Variants in DPP6 observed in about 807,000 individuals in gnomAD.
DPP6 encodes A-type potassium channel modulatory protein DPP6.
A neutral mutation model predicts 122.6 loss-of-function variants in DPP6; 69 were observed. The ratio of observed to expected loss-of-function variants is 0.56; its 90% CI spans 0.46 to 0.69. The LOEUF is 0.69. Among genes scored for constraint, DPP6 ranks in the 30% least tolerant of loss-of-function variants. The probability of loss-of-function intolerance (pLI) is 0.00; values close to 1 mark genes in which losing one functional copy is unlikely to be tolerated. For missense variants in DPP6, 928 were observed against 1,116.9 expected, an observed-to-expected ratio of 0.83 and a Z score of 2.41; for synonymous variants, 418 against 433.1, an observed-to-expected ratio of 0.97 and a Z score of 0.43.
At chr7:153,932,880 C>T (rs1053455371) in intron 1 of DPP6, among the ~76,000 whole-genome samples, 3 of 152,154 alleles carry the variant, frequency 2.0e-5, no homozygotes, top group Non-Finnish European at 2.9e-5. Flanking sequence ...ATAATCCCCA[C>T]GTGTTATGGG....
At chr7:154,847,035 G>C (rs923955456) in intron 16 of DPP6, among the ~76,000 whole-genome samples, 1 of 152,166 alleles carries the variant, frequency 6.6e-6, no homozygotes, top group African/African-American at 2.4e-5. Flanking sequence ...CATAGTTGCT[G>C]TTAGGAACAA....
chr7:154,615,138 G>A (rs1469569540), intron 5 of DPP6, among the ~76,000 whole-genome samples: 1 of 152,186 alleles, frequency 6.6e-6, no homozygotes, highest in African/African-American at 2.4e-5. Flanking sequence ...AAAAGGCCGT[G>A]GTTCTTGCCC....
At chr7:154,790,315 A>G (rs1797593104) in intron 10 of DPP6, among the ~76,000 whole-genome samples, 1 of 152,220 alleles carries the variant, frequency 6.6e-6, no homozygotes, top group African/African-American at 2.4e-5. Context: ...GGCAACATCA[A>G]GCTCTCAGGG....
chr7:153,838,311 G>A, the DPP6 span, among the ~76,000 whole-genome samples: 1 of 152,204 alleles, frequency 6.6e-6, no homozygotes, highest in South Asian at 2.1e-4. Flanking sequence ...GGGGAATTCT[G>A]CCAAAGAGAG....
intron 1 of DPP6, chr7:154,093,869 G>GC: frequency 6.6e-6 from 1 of 152,264 alleles, no homozygotes; most frequent in Middle Eastern, 3.4e-3. Context: ...GGGGGATCCC[G>GC]CCGTGCTTCC....
rs143620092 is a variant in DPP6, at chr7:154,812,404, A to G, written c.1666+5292A>G. Among the ~76,000 whole-genome samples, 13 of 152,312 alleles carry G rather than the reference A, an allele frequency of 8.5e-5. 1 individual carries two copies. The East Asian group carries it at 1.3e-3, about 16-fold the overall frequency. On this transcript the variant is annotated intron_variant, in intron 16 of 25. Transcript: ENST00000377770. ...ATTTGGGCTGCTATAGTGAAGTTCT[A>G]TAGACTGTGTGGCTTATAAACAACA... is the stretch of plus-strand genomic sequence containing the variant.
chr7:154,621,288 A>G (rs6597444), intron 5 of DPP6, among the ~76,000 whole-genome samples: 90,352 of 152,106 alleles, frequency 0.59, 26,970 homozygotes, highest in South Asian at 0.75. Flanking sequence ...CTTATAACTT[A>G]ATATAACCCT....
At chr7:154,358,281 G>T (rs1270972312) in intron 1 of DPP6, among the ~76,000 whole-genome samples, 9 of 152,192 alleles carry the variant, frequency 5.9e-5, no homozygotes, top group African/African-American at 2.2e-4. Flanking sequence ...CCCATGGAGG[G>T]TTAGGACCTC....
At chr7:153,791,581 C>T in the DPP6 span, among the ~76,000 whole-genome samples, 2 of 152,024 alleles carry the variant, frequency 1.3e-5, no homozygotes, top group Non-Finnish European at 2.9e-5. Context: ...ACCACCACAT[C>T]CAGCTAATTT....
chr7:154,356,202 T>C (rs901287794), intron 1 of DPP6, among the ~76,000 whole-genome samples: 1 of 152,276 alleles, frequency 6.6e-6, no homozygotes, highest in African/African-American at 2.4e-5. Context: ...CAATTAACAC[T>C]AATTTTATAT....
At chr7:154,339,470 G>T (rs1235394826) in intron 1 of DPP6, among the ~76,000 whole-genome samples, 1 of 152,188 alleles carries the variant, frequency 6.6e-6, no homozygotes, top group East Asian at 1.9e-4. Context: ...AGAGCCCACC[G>T]AATAGAAAAC....
chr7:154,602,814 C>G lies in DPP6; in HGVS notation c.628-35007C>G. Reference sequence around the variant, plus strand: ...CCAGCCTGGAGTGCAGTGGTGCGATCTCTATTCACTGCAACCTCTGCCTCC... The same window carrying G: ...CCAGCCTGGAGTGCAGTGGTGCGATGTCTATTCACTGCAACCTCTGCCTCC... On this transcript the variant is annotated intron_variant, in intron 5 of 25. Coordinates refer to ENST00000377770, the MANE Select transcript of DPP6 (RefSeq NM_130797.4). 1.8e-5 allele frequency among the ~76,000 whole-genome samples: 2 copies of G among 112,806 alleles called. 1 individual carries two copies. Among genetic ancestry groups the G allele is most frequent in the Admixed American group, 2.1e-4 (2 of 9,704 alleles). The allele number at this position is 112,806 out of a possible 152,430, so 74.0% of individuals were successfully genotyped here.
At position 154,143,932 on chromosome 7, in the gene DPP6, A is replaced by T. The variant is rs148402529; in HGVS notation, c.243+90869A>T. ...TTAGGATAAGATTTTTCACAAATTA[A>T]TAGGTCAGAAGTATATATTTTTAAT... On this transcript the variant is annotated intron_variant, in intron 1 of 25. Transcript: ENST00000377770. 3.3e-3 allele frequency among the ~76,000 whole-genome samples: 509 copies of T among 152,300 alleles called. 6 individuals are homozygous for T. Among genetic ancestry groups the T allele is most frequent in the African/African-American group, 0.011 (477 of 41,572 alleles).
At chr7:153,987,694 C>T (rs1360078929) in intron 1 of DPP6, among the ~76,000 whole-genome samples, 2 of 152,088 alleles carry the variant, frequency 1.3e-5, no homozygotes, top group Non-Finnish European at 2.9e-5. Context: ...GAGGACCCAG[C>T]AGAGAGCTGT....
intron 1 of DPP6, among the ~76,000 whole-genome samples, chr7:153,896,927 G>A (rs766564666): frequency 2.6e-5 from 4 of 152,104 alleles, no homozygotes; most frequent in Non-Finnish European, 5.9e-5. Context: ...CATATCTTGA[G>A]CAAACTTTTT....
chr7:154,574,407 T>A (rs1831336462), intron 5 of DPP6, among the ~76,000 whole-genome samples: 1 of 147,680 alleles, frequency 6.8e-6, no homozygotes, highest in African/African-American at 2.5e-5. Context: ...GTGGTGTGTG[T>A]ATGTGTGGTG....
intron 1 of DPP6, among the ~76,000 whole-genome samples, chr7:154,327,139 A>AG (rs1306249191): frequency 6.6e-6 from 1 of 152,160 alleles, no homozygotes; most frequent in African/African-American, 2.4e-5. Context: ...TACCTCTCAG[A>AG]GAAAAAAAAG....
chr7:154,429,038 G>A lies in DPP6; in HGVS notation c.244-17176G>A, dbSNP rs80225174. ...TAAAACAAAATAAAGAGAATATATAGCCTACTTCCTTAGGTTTTATAGTCA... is the reference window on the plus strand; with the variant it reads ...TAAAACAAAATAAAGAGAATATATAACCTACTTCCTTAGGTTTTATAGTCA... On this transcript the variant is annotated intron_variant, in intron 1 of 25. Coordinates refer to ENST00000377770, the MANE Select transcript of DPP6 (RefSeq NM_130797.4). 5.1e-3 allele frequency among the ~76,000 whole-genome samples: 773 copies of A among 152,164 alleles called. 15 individuals carry two copies. Among genetic ancestry groups the A allele is most frequent in the Admixed American group, 0.027 (410 of 15,284 alleles).
At chr7:153,784,455 G>T in the DPP6 span, among the ~76,000 whole-genome samples, 2 of 152,258 alleles carry the variant, frequency 1.3e-5, no homozygotes, top group South Asian at 2.1e-4. Flanking sequence ...TCATTGCAAA[G>T]AATTAAATTG....
Sources: gnomAD v4.1 joint callset for allele counts (sites outside exome capture counted in the v4.1 genomes callset) on GRCh38, gnomAD v4.1.1 for gene constraint, MANE v1.5 for transcripts, NCBI Gene and HGNC (gene_info 2026-07-23, HGNC 2026-07-21) for gene names.